Variants in LCOR observed in about 807,000 individuals in gnomAD.
LCOR encodes ligand dependent nuclear receptor corepressor, also known as ligand-dependent corepressor.
Under a neutral mutation model 64.4 loss-of-function variants are expected in LCOR, and 14 were observed. That is an observed-to-expected ratio of 0.22 (90% CI 0.14 to 0.34). LCOR has a LOEUF of 0.34. Among genes scored for constraint, LCOR ranks in the 10% least tolerant of loss-of-function variants. The pLI is 1.00. For missense variants in LCOR, 1,686 were observed against 1,765.3 expected (o/e 0.96, Z 0.80); for synonymous variants, 643 against 642.5 (o/e 1.00, Z -0.01).
At chr10:96,943,895 CAT>C in intron 4 of LCOR, among the ~76,000 whole-genome samples, 1 of 152,142 alleles carries the variant, frequency 6.6e-6, no homozygotes, top group African/African-American at 2.4e-5. Context: ...GAACAAAACT[CAT>C]AGTCAAAAAA....
At chr10:96,929,993 A>G (rs891318942) in intron 4 of LCOR, among the ~76,000 whole-genome samples, 2 of 152,194 alleles carry the variant, frequency 1.3e-5, no homozygotes, top group Admixed American at 1.3e-4. Context: ...CCTCAAAATA[A>G]TTCACTACAG....
intron 2 of LCOR, among the ~76,000 whole-genome samples, chr10:96,837,831 CAGTAG>C (rs1432470867): frequency 6.6e-6 from 1 of 152,168 alleles, no homozygotes; most frequent in East Asian, 1.9e-4. Context: ...TCGGAAAGCT[CAGTAG>C]AGGGGCTTGA....
intron 4 of LCOR, among the ~76,000 whole-genome samples, chr10:96,942,336 G>A (rs1337048409): frequency 1.3e-5 from 2 of 152,072 alleles, no homozygotes; most frequent in South Asian, 2.1e-4. Context: ...GCAGGCACTC[G>A]GCAGGCTGAG....
At chr10:96,854,246 T>C (rs1035506625) in intron 2 of LCOR, among the ~76,000 whole-genome samples, 16 of 152,324 alleles carry the variant, frequency 1.1e-4, no homozygotes, top group Admixed American at 2.0e-4. Context: ...TAGGATGATA[T>C]AAAGTTACCT....
chr10:96,855,882 C>T (rs746921248), intron 2 of LCOR, among the ~76,000 whole-genome samples: 1 of 151,922 alleles, frequency 6.6e-6, no homozygotes, highest in Non-Finnish European at 1.5e-5. Flanking sequence ...GCTGGGATTA[C>T]AGGCATGCAC....
At chr10:96,940,362 G>A (rs1847433052) in intron 4 of LCOR, among the ~76,000 whole-genome samples, 1 of 115,332 alleles carries the variant, frequency 8.7e-6, no homozygotes, top group East Asian at 2.4e-4. Flanking sequence ...GTTTCTCGCA[G>A]AGGGGGATTT....
intron 2 of LCOR, among the ~76,000 whole-genome samples, chr10:96,875,171 T>G (rs1023732641): frequency 9.3e-5 from 14 of 150,828 alleles, no homozygotes; most frequent in African/African-American, 3.4e-4. Flanking sequence ...GACCACAAGG[T>G]TAGGAGATCG....
chr10:96,905,265 G>A (rs1294353976), intron 2 of LCOR, among the ~76,000 whole-genome samples: 1 of 151,798 alleles, frequency 6.6e-6, no homozygotes, highest in Non-Finnish European at 1.5e-5. Flanking sequence ...AAGAATTTAC[G>A]CTCAGCCCGA....
At chr10:96,891,302 T>C (rs1224366118) in intron 2 of LCOR, among the ~76,000 whole-genome samples, 1 of 151,960 alleles carries the variant, frequency 6.6e-6, no homozygotes, top group African/African-American at 2.4e-5. Context: ...CAATAGTTCA[T>C]GGTATTCTCT....
At chr10:96,947,667 A>C (rs1847611886) in intron 5 of LCOR, among the ~76,000 whole-genome samples, 1 of 152,088 alleles carries the variant, frequency 6.6e-6, no homozygotes, top group Non-Finnish European at 1.5e-5. Flanking sequence ...GAAGAGTTTT[A>C]ATTGAGAGTC....
At position 96,981,964 on chromosome 10, in the gene LCOR, C is replaced by T. The variant is rs1564645666; in HGVS notation, c.1504C>T (p.Arg502Ter). The change falls in exon 8 of 8, where the codon CGA becomes TGA. Residue 502 changes from arginine to a stop codon, truncating the protein, a stop_gained. Transcript: ENST00000421806. LOFTEE classifies it low-confidence loss of function (END_TRUNC). ...SSRKTARKST[R>*]GYFFNGDCCE... ...TCGGAAAACAGCCAGAAAGAGTACT[C>T]GAGGATACTTTTTCAATGGTGACTG... 1 of 1,614,010 alleles carries T rather than the reference C, an allele frequency of 6.2e-7. No homozygotes were observed. Among genetic ancestry groups the T allele is most frequent in the Non-Finnish European group, 8.5e-7 (1 of 1,180,022 alleles).
At chr10:96,939,229 G>C (rs910733044) in intron 4 of LCOR, among the ~76,000 whole-genome samples, 2 of 152,186 alleles carry the variant, frequency 1.3e-5, no homozygotes, top group Admixed American at 1.3e-4. Context: ...TTTGGCAAGA[G>C]TTCCAAAACA....
At chr10:96,940,303 ATTTTTTTT>A (rs552752409) in intron 4 of LCOR, among the ~76,000 whole-genome samples, 8 of 65,450 alleles carry the variant, frequency 1.2e-4, no homozygotes, top group South Asian at 7.0e-4. Context: ...GGTGGTCATG[ATTTTTTTT>A]TTTTTTTTTT....
intron 2 of LCOR, among the ~76,000 whole-genome samples, chr10:96,869,195 C>G (rs1846029395): frequency 6.6e-6 from 1 of 152,136 alleles, no homozygotes; most frequent in African/African-American, 2.4e-5. Context: ...GAGTGAGCTA[C>G]TGTGCCTGGC....
In LCOR at chr10:96,985,216, C is replaced by T. The variant is rs1848138791; in HGVS notation, c.*82C>T. 1 of 1,438,902 alleles carries T rather than the reference C, an allele frequency of 6.9e-7. No homozygotes were observed. Among genetic ancestry groups the T allele is most frequent in the South Asian group, 1.6e-5 (1 of 61,206 alleles). 89.1% of individuals were successfully genotyped at this position (1,438,902 alleles called of 1,614,324 possible). On this transcript the variant is annotated 3_prime_UTR_variant, in exon 8 of 8. Transcript: ENST00000421806. ...CATTAACTAAATCTGCTTTTATAAG[C>T]TTATCAAGCCTTTCAAATTTACAGT...
At chr10:96,897,445 A>C (rs1230187794) in intron 2 of LCOR, among the ~76,000 whole-genome samples, 1 of 152,196 alleles carries the variant, frequency 6.6e-6, no homozygotes, top group Non-Finnish European at 1.5e-5. Context: ...GTTTCTTTCT[A>C]AGCATGATTA....
rs551033800 is a variant in LCOR at position 96,982,751 on chromosome 10, G to A, written c.2291G>A (p.Ser764Asn). 1.2e-6 allele frequency: 2 copies of A among 1,614,210 alleles called. No homozygotes were observed. The highest frequency in any genetic ancestry group is 1.3e-5 in the African/African-American group (1 of 75,058). The change falls in exon 8 of 8, where the codon AGT (serine) becomes AAT (asparagine). Residue 764 changes from serine to asparagine, a missense_variant. Physicochemically the swap from Ser to Asn is conservative, Grantham distance 46. This residue lies in a region of LCOR where 1,293 missense variants were observed against 1,410.4 expected (regional missense o/e 0.92). Coordinates refer to ENST00000421806, the MANE Select transcript of LCOR (RefSeq NM_001346516.2). ...TDENPSETEE[S>N]EAAGGIGKLE... is the part of the protein sequence containing the mutation. Reference sequence around the variant, plus strand: ...GAAAACCCCAGTGAAACTGAGGAAAGTGAGGCAGCAGGTGGTATAGGAAAA... The same window carrying A: ...GAAAACCCCAGTGAAACTGAGGAAAATGAGGCAGCAGGTGGTATAGGAAAA...
At position 96,982,731 on chromosome 10, in the gene LCOR, C is replaced by T. The variant is rs542194798; in HGVS notation, c.2271C>T (p.Asn757=). Residue 757 remains asparagine (N), a synonymous_variant, in exon 8 of 8, where the codon AAC becomes AAT. Coordinates refer to ENST00000421806, the MANE Select transcript of LCOR (RefSeq NM_001346516.2). ...LKESSTFTDE[N]PSETEESEAA... ...AAAGCAGCACTTTTACTGATGAAAA[C>T]CCCAGTGAAACTGAGGAAAGTGAGG... is the stretch of plus-strand genomic sequence containing the variant. The T allele has an allele frequency of 1.9e-6, 3 of 1,614,134 alleles. No individual in the cohort carries two copies. Among genetic ancestry groups the T allele is most frequent in the African/African-American group, 1.3e-5 (1 of 75,024 alleles).
intron 2 of LCOR, among the ~76,000 whole-genome samples, chr10:96,867,213 G>C (rs545842319): frequency 6.6e-6 from 1 of 152,156 alleles, no homozygotes; most frequent in South Asian, 2.1e-4. Context: ...GGCTGATGTC[G>C]AACTCCCGAC....
Sources: gnomAD v4.1 joint callset for allele counts (sites outside exome capture counted in the v4.1 genomes callset) on GRCh38, gnomAD v4.1.1 for gene constraint, gnomAD v4.1.1 regional missense constraint, MANE v1.5 for transcripts, NCBI Gene and HGNC (gene_info 2026-07-23, HGNC 2026-07-21) for gene names.